SLC17A1: variants seen among roughly 807,000 people sequenced by gnomAD.
SLC17A1 encodes the protein sodium-dependent phosphate transport protein 1.
SLC17A1 carries 51 observed loss-of-function variants against 53.5 expected under a neutral mutation model. The observed-to-expected ratio is 0.95, with a 90% CI of 0.76 to 1.20. SLC17A1 has a LOEUF of 1.20. Ranked by LOEUF, SLC17A1 falls within the 50% of genes most tolerant of loss-of-function variation. The pLI, the probability that SLC17A1 is intolerant of heterozygous loss-of-function variation, is 0.00. For missense variants in SLC17A1, 538 were observed against 568.2 expected (o/e 0.95, Z 0.54); for synonymous variants, 179 against 198.8 (o/e 0.90, Z 0.84).
intron 12 of SLC17A1, among the ~76,000 whole-genome samples, chr6:25,790,205 C>T (rs1045251443): frequency 3.3e-5 from 5 of 152,018 alleles, no homozygotes; most frequent in East Asian, 1.9e-4. Context: ...ATACTCCATC[C>T]GGGTATTTGG....
At chr6:25,726,369 C>T in the SLC17A1 span, 6 of 1,614,042 alleles carry the variant, frequency 3.7e-6, no homozygotes, top group South Asian at 3.3e-5. Flanking sequence ...CTAACACTGC[C>T]GCCAAATACA....
downstream of SLC17A1, chr6:25,779,390 T>C: frequency 3.5e-6 from 2 of 579,512 alleles, no homozygotes; most frequent in Non-Finnish European, 5.7e-6. Flanking sequence ...AAAGCATAGG[T>C]GTGTTGAGAT....
intron 10 of SLC17A1, among the ~76,000 whole-genome samples, chr6:25,806,467 A>G (rs1466622674): frequency 1.3e-5 from 2 of 152,120 alleles, no homozygotes; most frequent in African/African-American, 4.8e-5. Flanking sequence ...CAACTGGAAC[A>G]AGACAAGGAT....
rs184306615 is a variant in SLC17A1 at position 25,787,657 on chromosome 6, C to T, written c.*3-4439G>A. On this transcript the variant is annotated intron_variant, in intron 12 of 12. Coordinates refer to ENST00000244527, the MANE Select transcript of SLC17A1 (RefSeq NM_005074.5). ...CCCTTAGCTGCTCTGCAGATAACAA[C>T]TTAAGCATTGTGAAACGTTAAGTTT... Among the ~76,000 whole-genome samples the T allele has an allele frequency of 1.8e-3, 269 of 152,358 alleles. 3 individuals carry two copies. Among genetic ancestry groups the T allele is most frequent in the Admixed American group, 4.1e-3 (62 of 15,306 alleles).
chr6:25,779,249 A>G (rs1581436772), downstream of SLC17A1: 12 of 1,598,072 alleles, frequency 7.5e-6, no homozygotes, highest in East Asian at 2.7e-4. Context: ...CCTCACAGAC[A>G]TTTCTCTTTC....
intron 6 of SLC17A1, among the ~76,000 whole-genome samples, chr6:25,814,299 A>G (rs1174879541): frequency 6.6e-6 from 1 of 152,244 alleles, no homozygotes; most frequent in Admixed American, 6.5e-5. Flanking sequence ...TAAAACAGAC[A>G]AAAGGCCCTG....
At chr6:25,804,732 C>T (rs1362267192) in intron 10 of SLC17A1, among the ~76,000 whole-genome samples, 1 of 151,986 alleles carries the variant, frequency 6.6e-6, no homozygotes, top group East Asian at 1.9e-4. Flanking sequence ...GCAGGAGTAG[C>T]TATTCTTATA....
the SLC17A1 span, among the ~76,000 whole-genome samples, chr6:25,762,843 T>A: frequency 6.6e-6 from 1 of 152,126 alleles, no homozygotes; most frequent in African/African-American, 2.4e-5. Flanking sequence ...CGGCTGAAGG[T>A]CTCATCTGTT....
At chr6:25,751,273 C>T in the SLC17A1 span, among the ~76,000 whole-genome samples, 1 of 152,150 alleles carries the variant, frequency 6.6e-6, no homozygotes, top group Admixed American at 6.5e-5. Context: ...TTTGACTTGG[C>T]TTTTCATAGG....
the SLC17A1 span, among the ~76,000 whole-genome samples, chr6:25,729,016 G>A: frequency 6.6e-6 from 1 of 152,140 alleles, no homozygotes. Flanking sequence ...TCTCTAATCA[G>A]GGATTCATGC....
At chr6:25,741,705 G>T in the SLC17A1 span, among the ~76,000 whole-genome samples, 1 of 151,866 alleles carries the variant, frequency 6.6e-6, no homozygotes, top group Admixed American at 6.6e-5. Flanking sequence ...GACAGAGCGA[G>T]ACTCTGTCTC....
At chr6:25,728,382 CA>C in the SLC17A1 span, among the ~76,000 whole-genome samples, 2 of 152,184 alleles carry the variant, frequency 1.3e-5, no homozygotes, top group Non-Finnish European at 2.9e-5. Flanking sequence ...AAACTGATTT[CA>C]GCCACCTTAA....
the SLC17A1 span, among the ~76,000 whole-genome samples, chr6:25,757,875 T>C: frequency 1.3e-5 from 2 of 152,206 alleles, no homozygotes; most frequent in Non-Finnish European, 2.9e-5. Context: ...TTAGGGTTCC[T>C]TTCTCAGGTG....
chr6:25,791,452 T>A (rs2151476003), intron 12 of SLC17A1, among the ~76,000 whole-genome samples: 1 of 152,262 alleles, frequency 6.6e-6, no homozygotes, highest in African/African-American at 2.4e-5. Context: ...AGCCCAGAAA[T>A]AGACATAAAT....
downstream of SLC17A1, chr6:25,778,108 C>T: frequency 1.2e-6 from 1 of 854,616 alleles, no homozygotes; most frequent in Non-Finnish European, 1.8e-6. Flanking sequence ...CTAGAAGATG[C>T]TTTTAAAGTA....
chr6:25,755,353 G>T, the SLC17A1 span, among the ~76,000 whole-genome samples: 1 of 152,144 alleles, frequency 6.6e-6, no homozygotes, highest in African/African-American at 2.4e-5. Flanking sequence ...AGAGTTTAGG[G>T]CAGAGGACTT....
At chr6:25,787,433 C>T (rs915282250) in intron 12 of SLC17A1, among the ~76,000 whole-genome samples, 1 of 152,126 alleles carries the variant, frequency 6.6e-6, no homozygotes, top group Non-Finnish European at 1.5e-5. Flanking sequence ...GCAGACCAAC[C>T]ATGTTGCCAC....
chr6:25,754,147 G>A, the SLC17A1 span, among the ~76,000 whole-genome samples: 3 of 152,142 alleles, frequency 2.0e-5, no homozygotes, highest in African/African-American at 7.2e-5. Context: ...CTGTCTTGTT[G>A]CTGATGGATT....
intron 10 of SLC17A1, among the ~76,000 whole-genome samples, chr6:25,806,508 T>A: frequency 6.6e-6 from 1 of 152,098 alleles, no homozygotes; most frequent in East Asian, 1.9e-4. Context: ...GTTAACATTT[T>A]ACTGGAATTC....
Sources: gnomAD v4.1 joint callset for allele counts (sites outside exome capture counted in the v4.1 genomes callset) on GRCh38, gnomAD v4.1.1 for gene constraint, MANE v1.5 for transcripts, NCBI Gene and HGNC (gene_info 2026-07-23, HGNC 2026-07-21) for gene names.